The following LNX1 variants were observed in gnomAD, a reference collection of about 807,000 sequenced individuals.
The protein encoded by LNX1 is ligand of numb-protein X 1.
In LNX1, 54 loss-of-function variants were observed where a neutral mutation model predicts 68.4. The ratio of observed to expected loss-of-function variants is 0.79; its 90% confidence interval spans 0.63 to 0.99. The LOEUF is 0.99. LNX1 is among the 50% of genes least tolerant of loss of function. LNX1 has a pLI of 0.00. For missense variants in LNX1, 906 were observed against 926.4 expected (o/e 0.98, Z 0.29); for synonymous variants, 336 against 350.0 (o/e 0.96, Z 0.45).
At chr4:53,502,878 A>C (rs1725603272) in intron 4 of LNX1, among the ~76,000 whole-genome samples, 1 of 152,110 alleles carries the variant, frequency 6.6e-6, no homozygotes, top group Admixed American at 6.6e-5. Flanking sequence ...CATCCGTAAG[A>C]AATGCCTCTA....
intron 8 of LNX1, among the ~76,000 whole-genome samples, chr4:53,477,729 C>T (rs1723656626): frequency 6.6e-6 from 1 of 152,120 alleles, no homozygotes; most frequent in East Asian, 1.9e-4. Context: ...TTTTCTGTCC[C>T]CTTTTGCTTA....
intron 2 of LNX1, among the ~76,000 whole-genome samples, chr4:53,554,368 G>A (rs1376242940): frequency 6.6e-6 from 1 of 152,172 alleles, no homozygotes; most frequent in East Asian, 1.9e-4. Flanking sequence ...GAATTGGTTT[G>A]GCCAAGTCGT....
At chr4:53,516,291 T>C (rs929936537) in intron 2 of LNX1, among the ~76,000 whole-genome samples, 6 of 152,246 alleles carry the variant, frequency 3.9e-5, no homozygotes, top group African/African-American at 1.4e-4. Context: ...ACCTGGAATA[T>C]ATAGTAACTC....
intron 2 of LNX1, among the ~76,000 whole-genome samples, chr4:53,518,599 C>T (rs1239797727): frequency 6.6e-6 from 1 of 152,080 alleles, no homozygotes; most frequent in Non-Finnish European, 1.5e-5. Context: ...TCATATCATC[C>T]CTATGAGGAG....
intron 1 of LNX1, among the ~76,000 whole-genome samples, chr4:53,588,583 T>TC (rs960967258): frequency 1.3e-4 from 19 of 151,852 alleles, no homozygotes; most frequent in African/African-American, 4.6e-4. Context: ...CACTACCCAG[T>TC]CCCCCCAGTC....
rs561554745 is a variant in LNX1, at chr4:53,624,498, T to A, written c.-215+27670A>T. On this transcript the variant is annotated intron_variant, in intron 1 of 2. Transcript: ENST00000507168. ...CTCCCCAGCCACATGCAACTGTGAG[T>A]CCATTAAACCTCTTTTTCTTTATAA... Among the ~76,000 whole-genome samples, 8 of 152,302 alleles carry A rather than the reference T, an allele frequency of 5.3e-5. No individual in the cohort carries two copies. In the East Asian group the frequency reaches 1.3e-3, roughly 26 times the overall value.
At position 53,535,142 on chromosome 4, in the gene LNX1, T is replaced by C. The variant is rs201590969; in HGVS notation, c.381-26915A>G. ...CTCTGCATCATAAAGGTTTAGACTT[T>C]TTTAAGGAACACAAAGGATGTAATC... On this transcript the variant is annotated intron_variant, in intron 2 of 10. Transcript: ENST00000263925. 4.6e-5 allele frequency among the ~76,000 whole-genome samples: 7 copies of C among 152,362 alleles called. No homozygotes were observed. In the East Asian group the frequency reaches 1.3e-3, roughly 29 times the overall value.
intron 1 of LNX1, among the ~76,000 whole-genome samples, chr4:53,626,390 T>A (rs145178075): frequency 6.6e-6 from 1 of 152,228 alleles, no homozygotes; most frequent in East Asian, 1.9e-4. Context: ...AAGGGTAAAT[T>A]TTAGGTATGT....
At chr4:53,589,435 A>T (rs1406575546) in intron 1 of LNX1, among the ~76,000 whole-genome samples, 4 of 152,220 alleles carry the variant, frequency 2.6e-5, no homozygotes, top group Non-Finnish European at 1.5e-5. Flanking sequence ...CTGCAACCAC[A>T]TATGATCTTT....
chr4:53,612,090 T>A (rs909413186), intron 2 of LNX1, among the ~76,000 whole-genome samples: 3 of 152,172 alleles, frequency 2.0e-5, no homozygotes, highest in Admixed American at 6.5e-5. Context: ...ATGGGCAATA[T>A]ACAGAAAAGC....
intron 6 of LNX1, among the ~76,000 whole-genome samples, chr4:53,492,568 G>A (rs1271367416): frequency 8.1e-6 from 1 of 123,364 alleles, no homozygotes; most frequent in African/African-American, 2.7e-5. Flanking sequence ...GAGTGGTTTG[G>A]TAAAGAGCTC....
intron 2 of LNX1, among the ~76,000 whole-genome samples, chr4:53,525,972 C>G (rs372811982): frequency 6.6e-6 from 1 of 152,100 alleles, no homozygotes; most frequent in Non-Finnish European, 1.5e-5. Flanking sequence ...TTGGACTCTG[C>G]AAATTTCTAG....
intron 1 of LNX1, among the ~76,000 whole-genome samples, chr4:53,629,845 G>T (rs183726813): frequency 6.6e-6 from 1 of 152,020 alleles, no homozygotes; most frequent in Admixed American, 6.6e-5. Flanking sequence ...TTGCAGGTAC[G>T]CCTTGGTTTG....
chr4:53,572,220 G>C (rs958993025), intron 2 of LNX1, among the ~76,000 whole-genome samples: 2 of 151,928 alleles, frequency 1.3e-5, no homozygotes, highest in African/African-American at 4.8e-5. Context: ...TCCCATACCT[G>C]GGCAAAACTT....
At chr4:53,491,512 C>T (rs571896050) in intron 6 of LNX1, among the ~76,000 whole-genome samples, 203 of 152,290 alleles carry the variant, frequency 1.3e-3, no homozygotes, top group Non-Finnish European at 2.1e-3. Context: ...GTACCACACA[C>T]CTCTTGGCAC....
intron 1 of LNX1, among the ~76,000 whole-genome samples, chr4:53,635,108 G>A (rs892131530): frequency 1.3e-5 from 2 of 152,130 alleles, no homozygotes; most frequent in Admixed American, 6.6e-5. Context: ...GGAATAGCAC[G>A]CATGAGCCAT....
At chr4:53,504,489 A>G (rs144391746) in intron 4 of LNX1, among the ~76,000 whole-genome samples, 165 of 152,336 alleles carry the variant, frequency 1.1e-3, no homozygotes, top group African/African-American at 3.7e-3. Context: ...AGGTTACTCA[A>G]ACTTTCTCCA....
At chr4:53,558,385 G>C in intron 2 of LNX1, 1 of 501,258 alleles carries the variant, frequency 2.0e-6, no homozygotes, top group Non-Finnish European at 2.6e-6. Flanking sequence ...ACCCCACGGT[G>C]TGAATAATTA....
intron 2 of LNX1, among the ~76,000 whole-genome samples, chr4:53,566,310 C>T (rs973188044): frequency 6.6e-6 from 1 of 151,462 alleles, no homozygotes; most frequent in African/African-American, 2.4e-5. Flanking sequence ...TCTGCAGAAA[C>T]CCTACAAGCC....
Sources: gnomAD v4.1 joint callset for allele counts (sites outside exome capture counted in the v4.1 genomes callset) on GRCh38, gnomAD v4.1.1 for gene constraint, MANE v1.5 for transcripts, NCBI Gene and HGNC (gene_info 2026-07-23, HGNC 2026-07-21) for gene names.